ANAPC7: variants seen among roughly 807,000 people sequenced by gnomAD.
ANAPC7 encodes the protein anaphase promoting complex subunit 7.
ANAPC7 carries 25 observed loss-of-function variants against 63.3 expected under a neutral mutation model. The observed-to-expected ratio is 0.39, with a 90% CI of 0.29 to 0.55. The LOEUF (loss-of-function observed/expected upper bound fraction) is 0.55, where lower values mean the gene tolerates loss of function less well. ANAPC7 is among the 20% of genes least tolerant of loss of function. ANAPC7 has a pLI of 0.57. For missense variants in ANAPC7, 516 were observed against 691.7 expected, an observed-to-expected ratio of 0.75 and a Z score of 2.85; for synonymous variants, 241 against 251.7, an observed-to-expected ratio of 0.96 and a Z score of 0.40.
rs1162362877 is a variant in ANAPC7, at chr12:110,382,469, T to A, written c.935+374A>T. 4.7e-4 allele frequency among the ~76,000 whole-genome samples: 58 copies of A among 122,268 alleles called. 1 individual carries two copies. Among genetic ancestry groups the A allele is most frequent in the South Asian group, 3.3e-3 (13 of 3,900 alleles). 80.2% of individuals were successfully genotyped at this position (122,268 alleles called of 152,430 possible). ...AAAAAAAAAAAAAAAAAAATATATA[T>A]ATATATATATATATATATATATATA... is the stretch of plus-strand genomic sequence containing the variant. On this transcript the variant is annotated intron_variant, in intron 7 of 10. Coordinates refer to ENST00000455511, the MANE Select transcript of ANAPC7 (RefSeq NM_016238.3).
rs1566263376 is a variant in ANAPC7 at position 110,381,954 on chromosome 12, G to GGA, written c.936-7_936-6insTC. The GGA allele has an allele frequency of 2.0e-4, 191 of 976,906 alleles. No individual in the cohort carries two copies. The highest frequency in any genetic ancestry group is 1.3e-3 in the Admixed American group (34 of 26,730). The allele number at this position is 976,906 out of a possible 1,614,324, so 60.5% of individuals were successfully genotyped here. On this transcript the variant is annotated splice_polypyrimidine_tract_variant and splice_region_variant and intron_variant, in intron 7 of 10. Coordinates refer to ENST00000455511, the MANE Select transcript of ANAPC7 (RefSeq NM_016238.3). ...TGCTATAGAAGCTGTGACAGCTGGA[G>GGA]AAAAAAAAAAAAAAAAAAACACAAA... is the stretch of plus-strand genomic sequence containing the variant.
chr12:110,388,494 G>C lies in ANAPC7; in HGVS notation c.520+18C>G, dbSNP rs771233453. The C allele has an allele frequency of 3.2e-6, 5 of 1,573,968 alleles. No homozygotes were observed. The African/African-American group carries it at 6.7e-5, about 21-fold the overall frequency. On this transcript the variant is annotated intron_variant, in intron 4 of 10. Coordinates refer to ENST00000455511, the MANE Select transcript of ANAPC7 (RefSeq NM_016238.3). ...TGACAGTAAACATGCCATGAAAACA[G>C]GCAGGAAATATCTCTACCTAGAATG...
intron 10 of ANAPC7, 46 bp from the exon 11 acceptor site, chr12:110,374,379 T>C (rs1398238856): frequency 6.4e-7 from 1 of 1,568,590 alleles, no homozygotes; most frequent in Non-Finnish European, 8.7e-7. Flanking sequence ...TCTGCCTTGC[T>C]CTTGCTGGCT....
At chr12:110,389,490 A>C (rs1408012155) in intron 3 of ANAPC7, among the ~76,000 whole-genome samples, 1 of 152,220 alleles carries the variant, frequency 6.6e-6, no homozygotes, top group Non-Finnish European at 1.5e-5. Flanking sequence ...CGTAGGTACT[A>C]ACTCACTAAA....
intron 2 of ANAPC7, among the ~76,000 whole-genome samples, chr12:110,395,921 G>C (rs529552007): frequency 1.3e-5 from 2 of 152,264 alleles, no homozygotes; most frequent in Non-Finnish European, 2.9e-5. Context: ...CCAGTTTCAT[G>C]AAAGACAATT....
intron 1 of ANAPC7, among the ~76,000 whole-genome samples, chr12:110,403,265 G>C (rs2138006224): frequency 6.6e-6 from 1 of 152,292 alleles, no homozygotes; most frequent in East Asian, 1.9e-4. Context: ...GGAAACCCTC[G>C]CCTGGGTCGT....
intron 10 of ANAPC7, chr12:110,375,844 G>A (rs1881217961): frequency 8.0e-7 from 1 of 1,244,966 alleles, no homozygotes; most frequent in Non-Finnish European, 1.0e-6. Context: ...TAGTGGTGTG[G>A]GATGGTTATG....
chr12:110,377,881 C>A, intron 8 of ANAPC7: 6 of 1,274,810 alleles, frequency 4.7e-6, no homozygotes, highest in Non-Finnish European at 6.1e-6. Context: ...ATGTAAGGAA[C>A]CTGCAGCATG....
chr12:110,399,013 T>C (rs915343422), intron 1 of ANAPC7, among the ~76,000 whole-genome samples: 5 of 150,798 alleles, frequency 3.3e-5, no homozygotes, highest in African/African-American at 1.2e-4. Context: ...CAGAGTGAGC[T>C]GAATAATTCT....
chr12:110,400,109 AAAC>A (rs1349675110), intron 1 of ANAPC7, among the ~76,000 whole-genome samples: 3 of 152,164 alleles, frequency 2.0e-5, no homozygotes, highest in Non-Finnish European at 2.9e-5. Flanking sequence ...AACAGAAAAA[AAAC>A]AACAAAAAGA....
At chr12:110,377,943 C>G (rs1039524960) in intron 8 of ANAPC7, 9 of 598,032 alleles carry the variant, frequency 1.5e-5, no homozygotes, top group African/African-American at 5.7e-5. Context: ...AATGATTAGT[C>G]TGTCATATGG....
chr12:110,389,258 G>A (rs1882892892), intron 3 of ANAPC7, among the ~76,000 whole-genome samples: 2 of 152,094 alleles, frequency 1.3e-5, no homozygotes, highest in Non-Finnish European at 2.9e-5. Context: ...GGTAGAGAAC[G>A]CTAGTTAACT....
intron 1 of ANAPC7, among the ~76,000 whole-genome samples, chr12:110,401,837 G>A (rs979330230): frequency 6.6e-5 from 10 of 151,866 alleles, no homozygotes; most frequent in Admixed American, 2.6e-4. Context: ...AGCTGGGTGC[G>A]GTGGCGGGCG....
intron 3 of ANAPC7, among the ~76,000 whole-genome samples, chr12:110,389,961 A>G (rs895472577): frequency 2.6e-5 from 4 of 151,266 alleles, no homozygotes; most frequent in African/African-American, 9.7e-5. Flanking sequence ...CCACAAAAAC[A>G]AAAAAAAAGC....
At position 110,377,421 on chromosome 12, in the gene ANAPC7, C is replaced by T; in HGVS notation, c.1329G>A (p.Lys443=). 1 of 1,614,106 alleles carries T rather than the reference C, an allele frequency of 6.2e-7. No individual in the cohort carries two copies. Among genetic ancestry groups the T allele is most frequent in the Non-Finnish European group, 8.5e-7 (1 of 1,179,996 alleles). Residue 443 remains lysine, a synonymous_variant, in exon 9 of 11, where the codon AAG becomes AAA. Coordinates refer to ENST00000455511, the MANE Select transcript of ANAPC7 (RefSeq NM_016238.3). ...KALTQRPDYI[K]AVVKKAELLS... is the part of the protein sequence containing the mutation. ...GTAGTTCTGCTTTTTTCACCACAGC[C>T]TTAATGTAATCTGGCCTTTGGGTCA...
At chr12:110,400,588 A>ACT (rs199724894) in intron 1 of ANAPC7, among the ~76,000 whole-genome samples, 28,889 of 152,064 alleles carry the variant, frequency 0.19, 3,041 homozygotes, top group Admixed American at 0.28. Context: ...AACTAAGAGT[A>ACT]ACTAGGGCCT....
chr12:110,392,090 CACAAAAAAAAAAAAAA>C lies in ANAPC7; in HGVS notation c.408+2995_408+3010del, dbSNP rs1883148424. Among the ~76,000 whole-genome samples, 6 of 94,824 alleles carry C rather than the reference CACAAAAAAAAAAAAAA, an allele frequency of 6.3e-5. No individual in the cohort carries two copies. In the South Asian group the frequency reaches 1.9e-3, roughly 30 times the overall value. The allele number at this position is 94,824 out of a possible 152,430, so 62.2% of individuals were successfully genotyped here. ...CTGGCAACACAGCAAGACTCCACCT[CACAAAAAAAAAAAAAA>C]AAAAAAAAAAGGCTTCTTACAAAAG... On this transcript the variant is annotated intron_variant, in intron 3 of 10. Coordinates refer to ENST00000455511, the MANE Select transcript of ANAPC7 (RefSeq NM_016238.3).
intron 1 of ANAPC7, among the ~76,000 whole-genome samples, chr12:110,400,833 G>A (rs975999694): frequency 1.3e-5 from 2 of 151,438 alleles, no homozygotes; most frequent in Admixed American, 1.3e-4. Context: ...GATCACTTGA[G>A]GTCAGGAGTT....
chr12:110,381,789 G>A lies in ANAPC7; in HGVS notation c.1095C>T (p.Ala365=). The change falls in exon 8 of 11, where the codon GCC becomes GCT. Residue 365 remains alanine, a synonymous_variant. Coordinates refer to ENST00000455511, the MANE Select transcript of ANAPC7 (RefSeq NM_016238.3). Reference sequence around the variant, plus strand: ...CTAAGCGACAAGGTGCGAGCCGTATGGCCTCCCGAAAGTGGATTATTGCTT... The same window carrying A: ...CTAAGCGACAAGGTGCGAGCCGTATAGCCTCCCGAAAGTGGATTATTGCTT... ...VQEAIIHFRE[A]IRLAPCRLDC... 2 of 1,613,804 alleles carry A rather than the reference G, an allele frequency of 1.2e-6. No homozygotes were observed. Among genetic ancestry groups the A allele is most frequent in the Non-Finnish European group, 1.7e-6 (2 of 1,179,998 alleles).
Sources: gnomAD v4.1 joint callset for allele counts (sites outside exome capture counted in the v4.1 genomes callset) on GRCh38, gnomAD v4.1.1 for gene constraint, MANE v1.5 for transcripts, NCBI Gene and HGNC (gene_info 2026-07-23, HGNC 2026-07-21) for gene names.